Variants in POLN observed in about 807,000 individuals in gnomAD.
POLN encodes DNA polymerase nu.
POLN carries 108 observed loss-of-function variants against 113.5 expected under a neutral mutation model. The observed-to-expected ratio is 0.95, with a 90% CI of 0.81 to 1.12. POLN has a LOEUF of 1.12. Ranked by LOEUF, POLN falls within the 50% of genes most tolerant of loss-of-function variation. The pLI, the probability that POLN is intolerant of heterozygous loss-of-function variation, is 0.00. For missense variants in POLN, 1,097 were observed against 1,077.1 expected, an observed-to-expected ratio of 1.02 and a Z score of -0.26; for synonymous variants, 386 against 391.5, an observed-to-expected ratio of 0.99 and a Z score of 0.17.
At chr4:2,133,995 A>T (rs751335877) in intron 16 of POLN, among the ~76,000 whole-genome samples, 2 of 152,238 alleles carry the variant, frequency 1.3e-5, no homozygotes, top group African/African-American at 2.4e-5. Flanking sequence ...CCGGAGCTTT[A>T]CTTATCCAAC....
At chr4:2,079,468 G>A in intron 23 of POLN, 1 of 985,596 alleles carries the variant, frequency 1.0e-6, no homozygotes, top group Non-Finnish European at 1.2e-6. Context: ...TGCATGGGTT[G>A]TATGCATGGG....
In POLN at chr4:2,109,968, T is replaced by C. The variant is rs551717044; in HGVS notation, c.1983-14035A>G. ...ACTTCTTTTGGTATTGTTTTAGAGG[T>C]TGCCTTAGAAATTATAATATGCATC... On this transcript the variant is annotated intron_variant, in intron 19 of 25. Transcript: ENST00000511885. Among the ~76,000 whole-genome samples the C allele has an allele frequency of 5.9e-5, 9 of 152,270 alleles. No individual in the cohort carries two copies. In the East Asian group the frequency reaches 1.2e-3, roughly 20 times the overall value.
rs535755645 is a variant in POLN, at chr4:2,139,639, A to G, written c.1732-8349T>C. 18 of 152,342 alleles carry G rather than the reference A, an allele frequency of 1.2e-4. No individual in the cohort carries two copies. In the East Asian group the frequency reaches 3.3e-3, roughly 28 times the overall value. The allele number at this position is 152,342 out of a possible 1,614,324, so 9.4% of individuals were successfully genotyped here. On this transcript the variant is annotated intron_variant, in intron 16 of 25. Coordinates refer to ENST00000511885, the MANE Select transcript of POLN (RefSeq NM_181808.4). The stretch of plus-strand genomic sequence containing the variant: ...AAATCACTCAAAATAATAAAGTATA[A>G]AGATTTTAAAAGTTCATTTGGGTTT...
chr4:2,136,880 CA>C (rs1166917576), intron 16 of POLN, among the ~76,000 whole-genome samples: 1 of 152,244 alleles, frequency 6.6e-6, no homozygotes, highest in Non-Finnish European at 1.5e-5. Context: ...GGAATGAAGC[CA>C]AAGGAAAGTG....
intron 2 of POLN, chr4:2,240,184 G>A: frequency 6.2e-7 from 1 of 1,613,986 alleles, no homozygotes; most frequent in Non-Finnish European, 8.5e-7. Context: ...CTCTCCTCAA[G>A]GATTTCTTGA....
chr4:2,174,118 C>A, intron 10 of POLN, 99 bp from the exon 11 acceptor site: 1 of 1,129,584 alleles, frequency 8.9e-7, no homozygotes, highest in Admixed American at 1.7e-5. Context: ...ATAATGACTG[C>A]AACTGCCATT....
chr4:2,073,434 T>TG, intron 24 of POLN, among the ~76,000 whole-genome samples: 1 of 152,260 alleles, frequency 6.6e-6, no homozygotes, highest in South Asian at 2.1e-4. Context: ...GCTGGGAGGA[T>TG]GGGGGAGGCA....
At position 2,224,600 on chromosome 4, in the gene POLN, G is replaced by A. The variant is rs890641268; in HGVS notation, c.133+4499C>T. On this transcript the variant is annotated intron_variant, in intron 3 of 25. Transcript: ENST00000511885. ...CATAGCTATATACTATATACAGAGT[G>A]CTATACTTTTATACACCTGGTAGTG... Among the ~76,000 whole-genome samples, 8 of 152,122 alleles carry A rather than the reference G, an allele frequency of 5.3e-5. No homozygotes were observed. The South Asian group carries it at 6.2e-4, about 12-fold the overall frequency.
intron 18 of POLN, 96 bp downstream of exon 18, chr4:2,129,083 A>AT: frequency 1.5e-6 from 1 of 679,400 alleles, no homozygotes; most frequent in Non-Finnish European, 2.3e-6. Context: ...AAAAGAATTT[A>AT]TTTGAAAGAA....
chr4:2,078,587 C>T, intron 23 of POLN: 1 of 985,282 alleles, frequency 1.0e-6, no homozygotes. Flanking sequence ...GAGTTTCATG[C>T]CTGCTGCTTC....
In POLN at chr4:2,179,399, G is replaced by C; in HGVS notation, c.1088C>G (p.Pro363Arg). The C allele has an allele frequency of 6.2e-7, 1 of 1,613,196 alleles. No homozygotes were observed. The highest frequency in any genetic ancestry group is 1.1e-5 in the South Asian group (1 of 91,050). ...AWLIDPSDAT[P>R]SFEDLVEKYC... ...TTTTTCTACTAAATCTTCAAAAGAG[G>C]GTGTGGCATCACTAGGATCTATAAG... is the stretch of plus-strand genomic sequence containing the variant. The change falls in exon 8 of 26, where the codon CCC becomes CGC. Residue 363 changes from proline (P) to arginine (R), a missense_variant. Physicochemically the swap from Pro to Arg is moderately radical, Grantham distance 103. Coordinates refer to ENST00000511885, the MANE Select transcript of POLN (RefSeq NM_181808.4).
chr4:2,176,841 G>T (rs1329457904), intron 8 of POLN, among the ~76,000 whole-genome samples: 2 of 152,092 alleles, frequency 1.3e-5, no homozygotes, highest in East Asian at 3.9e-4. Flanking sequence ...TGACAAAGAG[G>T]GAGATGGGAT....
At chr4:2,180,427 A>G (rs1277492976) in intron 7 of POLN, among the ~76,000 whole-genome samples, 7 of 152,208 alleles carry the variant, frequency 4.6e-5, no homozygotes. Context: ...AAATAAAACT[A>G]TAGTCTTAGA....
chr4:2,131,511 G>T (rs1431556660), intron 16 of POLN, among the ~76,000 whole-genome samples: 1 of 152,022 alleles, frequency 6.6e-6, no homozygotes, highest in Non-Finnish European at 1.5e-5. Context: ...AATTCCTTTT[G>T]ACTCTAGCCT....
At chr4:2,082,988 T>A (rs1447433050) in intron 21 of POLN, 2 of 152,222 alleles carry the variant, frequency 1.3e-5, no homozygotes, top group East Asian at 3.8e-4. Context: ...GCCTCTAAAG[T>A]GTGACCCTTC....
At chr4:2,101,807 C>T (rs750635867) in intron 19 of POLN, among the ~76,000 whole-genome samples, 1 of 152,230 alleles carries the variant, frequency 6.6e-6, no homozygotes, top group African/African-American at 2.4e-5. Context: ...GGGCTGCAGC[C>T]ACCATCGTTG....
At position 2,127,441 on chromosome 4, in the gene POLN, T is replaced by TATAG. The variant is rs1435794090; in HGVS notation, c.1982+668_1982+671dup. Among the ~76,000 whole-genome samples the TATAG allele has an allele frequency of 2.0e-5, 3 of 151,896 alleles. No individual in the cohort carries two copies. Among genetic ancestry groups the TATAG allele is most frequent in the African/African-American group, 7.3e-5 (3 of 41,346 alleles). On this transcript the variant is annotated intron_variant, in intron 19 of 25. Transcript: ENST00000511885. The surrounding 1 kb of genome is among the most constrained non-coding windows in gnomAD (Gnocchi z 4.7). Reference sequence around the variant, plus strand: ...TGCATGACCTGCTCTAGAAAGTGGGTATAGCTGTTGTCTGCACCGGGCTCT... The same window carrying TATAG: ...TGCATGACCTGCTCTAGAAAGTGGGTATAGATAGCTGTTGTCTGCACCGGGCTCT...
intron 7 of POLN, among the ~76,000 whole-genome samples, chr4:2,179,950 C>T (rs974678657): frequency 1.2e-4 from 18 of 152,290 alleles, no homozygotes; most frequent in African/African-American, 3.9e-4. Context: ...GCGGGAGTTG[C>T]CTGAGCACAC....
intron 2 of POLN, chr4:2,238,694 T>C (rs376754699): frequency 2.7e-5 from 44 of 1,612,818 alleles, no homozygotes; most frequent in Non-Finnish European, 3.3e-5. Context: ...TAATTGCTTG[T>C]AGAGCATCAT....
Sources: gnomAD v4.1 joint callset for allele counts (sites outside exome capture counted in the v4.1 genomes callset) on GRCh38, gnomAD v4.1.1 for gene constraint, Gnocchi (gnomAD v3.1) non-coding constraint, MANE v1.5 for transcripts, NCBI Gene and HGNC (gene_info 2026-07-23, HGNC 2026-07-21) for gene names.